SLC6A9: variants seen among roughly 807,000 people sequenced by gnomAD.
SLC6A9 encodes sodium- and chloride-dependent glycine transporter 1.
In SLC6A9, 31 loss-of-function variants were observed where a neutral mutation model predicts 70.9. That is an observed-to-expected ratio of 0.44 (90% CI 0.33 to 0.59). The LOEUF (loss-of-function observed/expected upper bound fraction) is 0.59. Among genes scored for constraint, SLC6A9 ranks in the 20% least tolerant of loss-of-function variants. The probability of loss-of-function intolerance (pLI) is 0.04; values close to 1 mark genes in which losing one functional copy is unlikely to be tolerated. For synonymous variants in SLC6A9, 310 were observed against 341.3 expected (o/e 0.91, Z 1.01); for missense variants, 631 against 845.2 (o/e 0.75, Z 3.14).
intron 12 of SLC6A9, among the ~76,000 whole-genome samples, chr1:43,999,292 T>TCTAGG (rs1032842985): frequency 6.6e-6 from 1 of 151,338 alleles, no homozygotes; most frequent in African/African-American, 2.4e-5. Context: ...AGGAGAGGAC[T>TCTAGG]CTAGGCTCCC....
At chr1:44,024,424 C>G in intron 1 of SLC6A9, 62 bp from the exon 2 acceptor site, 1 of 976,610 alleles carries the variant, frequency 1.0e-6, no homozygotes, top group Non-Finnish European at 1.6e-6. Context: ...GCTCTCCAGA[C>G]AGGTAGTGCC....
rs1016687675 is a variant in SLC6A9, at chr1:43,997,229, T to C, written c.*316A>G. 48 of 365,244 alleles carry C rather than the reference T, an allele frequency of 1.3e-4. No homozygotes were observed. Among genetic ancestry groups the C allele is most frequent in the South Asian group, 3.4e-4 (12 of 35,548 alleles). The allele number at this position is 365,244 out of a possible 1,614,324, so 22.6% of individuals were successfully genotyped here. On this transcript the variant is annotated 3_prime_UTR_variant, in exon 14 of 14. Transcript: ENST00000372310. This position sits in a 1 kb window ranked among gnomAD's most constrained non-coding sequence, Gnocchi z 4.4. The stretch of plus-strand genomic sequence containing the variant: ...CCCAGAACCTCAGCTCAGGGCAGGG[T>C]ATAAGGGTATCGGAGGCCACGTAAA...
At chr1:44,003,094 G>C in intron 5 of SLC6A9, 109 bp from the exon 6 acceptor site, 2 of 1,311,858 alleles carry the variant, frequency 1.5e-6, no homozygotes, top group Non-Finnish European at 2.1e-6. Context: ...TGAGGTCCCA[G>C]CAGCCACCTT....
In SLC6A9 at chr1:44,000,968, T is replaced by C. The variant is rs2086075090; in HGVS notation, c.1423A>G (p.Met475Val). ...CTCGAGTGCTCACCGTAGATGTACA[T>C]GATGGCCACACACATGATGCAGGAG... ...VISCIMCVAI[M>V]YIYGHRNYFQ... Residue 475 changes from methionine to valine, a missense_variant, in exon 11 of 14, where the codon ATG (methionine) becomes GTG (valine). Transcript: ENST00000372310. The C allele has an allele frequency of 6.3e-7, 1 of 1,599,498 alleles. No individual in the cohort carries two copies. The highest frequency in any genetic ancestry group is 8.5e-7 in the Non-Finnish European group (1 of 1,171,584).
chr1:43,997,770 A>AG lies in SLC6A9; in HGVS notation c.1708-32dup. On this transcript the variant is annotated intron_variant, in intron 13 of 13. Transcript: ENST00000372310. This position sits in a 1 kb window ranked among gnomAD's most constrained non-coding sequence, Gnocchi z 4.4. ...TGAGGTAGGCATGGGGCACAGGGGC[A>AG]GGGCACGTCAGGAGGGAGCCCTTAA... is the stretch of plus-strand genomic sequence containing the variant. The AG allele has an allele frequency of 6.3e-7, 1 of 1,593,392 alleles. No individual in the cohort carries two copies. Among genetic ancestry groups the AG allele is most frequent in the Non-Finnish European group, 8.6e-7 (1 of 1,168,478 alleles).
At chr1:44,001,819 T>C (rs2086120345) in intron 8 of SLC6A9, among the ~76,000 whole-genome samples, 192 bp from the exon 9 acceptor site, 1 of 152,082 alleles carries the variant, frequency 6.6e-6, no homozygotes, top group African/African-American at 2.4e-5. Context: ...CCTTGACCTC[T>C]TGGTCTCAAG....
chr1:44,009,019 CTTTTTTT>C (rs35340201), intron 4 of SLC6A9, among the ~76,000 whole-genome samples: 2 of 71,802 alleles, frequency 2.8e-5, no homozygotes, highest in African/African-American at 6.6e-5. Context: ...CGCGCCCGGC[CTTTTTTT>C]TTTTTTTTTT....
intron 3 of SLC6A9, 102 bp from the exon 4 acceptor site, chr1:44,010,198 G>A: frequency 6.1e-6 from 8 of 1,304,550 alleles, no homozygotes; most frequent in Non-Finnish European, 8.6e-6. Flanking sequence ...GATTGGGTAG[G>A]ACCCAGGGAG....
chr1:44,002,752 G>C lies in SLC6A9; in HGVS notation c.723+101C>G, dbSNP rs879499073. On this transcript the variant is annotated intron_variant, in intron 6 of 13. Transcript: ENST00000372310. This position sits in a 1 kb window ranked among gnomAD's most constrained non-coding sequence, Gnocchi z 5.5. ...AGCCCCCTGGTCCCTCTCCGGCTCC[G>C]GAGTCCCTTCAGCATCCCCTCCCTG... 3 of 1,593,314 alleles carry C rather than the reference G, an allele frequency of 1.9e-6. No homozygotes were observed. Among genetic ancestry groups the C allele is most frequent in the East Asian group, 2.2e-5 (1 of 44,682 alleles).
intron 2 of SLC6A9, among the ~76,000 whole-genome samples, chr1:44,021,376 G>A (rs1380342634): frequency 6.6e-6 from 1 of 152,206 alleles, no homozygotes; most frequent in Non-Finnish European, 1.5e-5. Context: ...AGTGAGGGAG[G>A]GACACGTGCA....
chr1:44,009,741 C>T (rs2086477768), intron 4 of SLC6A9, among the ~76,000 whole-genome samples: 1 of 152,132 alleles, frequency 6.6e-6, no homozygotes, highest in Non-Finnish European at 1.5e-5. Context: ...GGGGGTGGCG[C>T]AAAGGAGTTT....
chr1:44,010,008 G>A lies in SLC6A9; in HGVS notation c.276C>T (p.Ser92=). The A allele has an allele frequency of 6.2e-7, 1 of 1,614,100 alleles. No individual in the cohort carries two copies. Among genetic ancestry groups the A allele is most frequent in the African/African-American group, 1.3e-5 (1 of 75,046 alleles). ...FMELSFGQFA[S]QGCLGVWRIS... is the part of the protein sequence containing the mutation. ...TCCTCCAGACCCCCAGGCACCCCTG[G>A]CTTGCAAACTGGCCGAAGGAGAGCT... Residue 92 remains serine (S), a synonymous_variant, in exon 4 of 14, where the codon AGC becomes AGT. Transcript: ENST00000372310.
At position 44,001,558 on chromosome 1, in the gene SLC6A9, G is replaced by C; in HGVS notation, c.1032C>G (p.Ile344Met). The change falls in exon 9 of 14, where the codon ATC becomes ATG. Residue 344 changes from isoleucine to methionine, a missense_variant. By Grantham distance (10) the Ile-to-Met change is conservative. Transcript: ENST00000372310. ...SVYAGFVIFS[I>M]LGFMANHLGV... Reference sequence around the variant, plus strand: ...CCAGGTGATTGGCCATGAAGCCGAGGATGGAGAAGATGACGAAGCCAGCAT... The same window carrying C: ...CCAGGTGATTGGCCATGAAGCCGAGCATGGAGAAGATGACGAAGCCAGCAT... The C allele has an allele frequency of 6.2e-7, 1 of 1,614,268 alleles. No individual in the cohort carries two copies. The highest frequency in any genetic ancestry group is 8.5e-7 in the Non-Finnish European group (1 of 1,180,042).
At chr1:44,015,950 G>T in intron 2 of SLC6A9, 2 of 796,198 alleles carry the variant, frequency 2.5e-6, no homozygotes, top group Non-Finnish European at 3.0e-6. Context: ...CACCTCTCAG[G>T]ACTCCAGGTG....
At chr1:44,028,932 G>A (rs961260209) in intron 1 of SLC6A9, among the ~76,000 whole-genome samples, 1 of 152,196 alleles carries the variant, frequency 6.6e-6, no homozygotes, top group Non-Finnish European at 1.5e-5. Flanking sequence ...GCAACATGGC[G>A]AGACTTGGTG....
rs575983907 is a variant in SLC6A9, at chr1:44,010,510, CCAACTGG to C, written c.187+209_187+215del. 1,166 of 306,140 alleles carry C rather than the reference CCAACTGG, an allele frequency of 3.8e-3. 7 individuals are homozygous for C. Among genetic ancestry groups the C allele is most frequent in the Non-Finnish European group, 3.5e-3 (552 of 156,474 alleles). The allele number at this position is 306,140 out of a possible 1,614,324, so 19.0% of individuals were successfully genotyped here. A position where few individuals can be genotyped will look rare whatever the true frequency, so the allele number is the denominator to read the frequency against. On this transcript the variant is annotated intron_variant, in intron 3 of 13. Coordinates refer to ENST00000372310, the MANE Select transcript of SLC6A9 (RefSeq NM_001024845.3). ...TCACCTCTCCTCACCTCAAAGGGGG[CCAACTGG>C]CAGGGCCAGCCCCCAACAACAGACT...
chr1:44,010,513 A>G, intron 3 of SLC6A9: 1 of 358,582 alleles, frequency 2.8e-6, no homozygotes, highest in East Asian at 4.6e-5. Context: ...AAGGGGGCCA[A>G]CTGGCAGGGC....
In SLC6A9 at chr1:44,001,119, C is replaced by T. The variant is rs140910276; in HGVS notation, c.1335+45G>A. The T allele has an allele frequency of 4.3e-4, 689 of 1,613,576 alleles. 2 individuals are homozygous for T. The highest frequency in any genetic ancestry group is 7.2e-4 in the Admixed American group (43 of 60,010). On this transcript the variant is annotated intron_variant, in intron 10 of 13. Coordinates refer to ENST00000372310, the MANE Select transcript of SLC6A9 (RefSeq NM_001024845.3). ...CCGGGCTCCCCAACCCTTCCCTGCA[C>T]GTCCTGGCAACTCTGGGCCAGCCCT...
At chr1:44,011,759 T>C in intron 2 of SLC6A9, 1 of 1,605,346 alleles carries the variant, frequency 6.2e-7, no homozygotes, top group East Asian at 2.2e-5. Context: ...GAGAGGCAGA[T>C]GCGGGGATTT....
Sources: gnomAD v4.1 joint callset for allele counts (sites outside exome capture counted in the v4.1 genomes callset) on GRCh38, gnomAD v4.1.1 for gene constraint, Gnocchi (gnomAD v3.1) non-coding constraint, MANE v1.5 for transcripts, NCBI Gene and HGNC (gene_info 2026-07-23, HGNC 2026-07-21) for gene names.